CDK6: variants seen among roughly 807,000 people sequenced by gnomAD.
The protein encoded by CDK6 is cyclin-dependent kinase 6.
A neutral mutation model predicts 37.1 loss-of-function variants in CDK6; 6 were observed. That is an observed-to-expected ratio of 0.16 (90% confidence interval 0.09 to 0.32). The LOEUF is 0.32. Ranked by LOEUF, CDK6 falls within the 10% of genes least tolerant of loss-of-function variation. The pLI is 1.00. For missense variants in CDK6, 224 were observed against 418.9 expected, an observed-to-expected ratio of 0.53 and a Z score of 4.06; for synonymous variants, 160 against 161.3, an observed-to-expected ratio of 0.99 and a Z score of 0.06.
intron 3 of CDK6, among the ~76,000 whole-genome samples, chr7:92,769,787 A>T (rs763973725): frequency 6.6e-6 from 1 of 152,196 alleles, no homozygotes; most frequent in Non-Finnish European, 1.5e-5. Flanking sequence ...ATGGTGAGCA[A>T]ATTTCTTTAC....
At chr7:92,622,034 A>T (rs1214074375) in intron 6 of CDK6, among the ~76,000 whole-genome samples, 1 of 149,994 alleles carries the variant, frequency 6.7e-6, no homozygotes, top group Non-Finnish European at 1.5e-5. Context: ...AGTCTTACAG[A>T]CTTCGAATTT....
In CDK6 at chr7:92,747,985, T is replaced by C. The variant is rs1225437281; in HGVS notation, c.370-22192A>G. Among the ~76,000 whole-genome samples the C allele has an allele frequency of 2.0e-5, 3 of 152,184 alleles. No individual in the cohort carries two copies. In the East Asian group the frequency reaches 5.8e-4, roughly 29 times the overall value. On this transcript the variant is annotated intron_variant, in intron 3 of 7. Coordinates refer to ENST00000424848, the MANE Select transcript of CDK6 (RefSeq NM_001145306.2). ...ACCATTTCAATTTCATCAGCTACCA[T>C]CAGGAAAGAATTGAGGGAAAATGCG...
chr7:92,763,644 C>T (rs1486232319), intron 3 of CDK6, among the ~76,000 whole-genome samples: 1 of 152,108 alleles, frequency 6.6e-6, no homozygotes, highest in African/African-American at 2.4e-5. Flanking sequence ...ATATCAATGA[C>T]GTTAGTAAAG....
intron 2 of CDK6, among the ~76,000 whole-genome samples, chr7:92,816,584 T>C (rs779435799): frequency 1.3e-5 from 2 of 152,012 alleles, no homozygotes; most frequent in African/African-American, 2.4e-5. Context: ...ATAACCCAAA[T>C]TGAATGAAAA....
intron 4 of CDK6, among the ~76,000 whole-genome samples, chr7:92,699,642 C>A (rs1004051): frequency 0.12 from 17,629 of 152,148 alleles, 2,172 homozygotes; most frequent in East Asian, 0.33. Flanking sequence ...ACAATTAATT[C>A]ATTCATTCAT....
chr7:92,759,575 G>A (rs1799401642), intron 3 of CDK6, among the ~76,000 whole-genome samples: 1 of 151,294 alleles, frequency 6.6e-6, no homozygotes. Context: ...AAAACTATGG[G>A]TATTTATCTT....
chr7:92,692,929 G>A (rs1387020855), intron 4 of CDK6, among the ~76,000 whole-genome samples: 3 of 152,144 alleles, frequency 2.0e-5, no homozygotes, highest in Admixed American at 2.0e-4. Context: ...AAAATTGAGA[G>A]AGAAAAATTT....
chr7:92,690,434 T>A (rs537488206), intron 4 of CDK6, among the ~76,000 whole-genome samples: 29 of 152,318 alleles, frequency 1.9e-4, no homozygotes, highest in African/African-American at 5.8e-4. Context: ...GTTGTAGGTG[T>A]GCGGTTTTAT....
chr7:92,801,903 G>A (rs1407794583), intron 2 of CDK6, among the ~76,000 whole-genome samples: 1 of 151,744 alleles, frequency 6.6e-6, no homozygotes, highest in African/African-American at 2.4e-5. Flanking sequence ...GATTACAGGT[G>A]TGAGCTGCTG....
intron 4 of CDK6, among the ~76,000 whole-genome samples, chr7:92,720,941 A>G (rs1798350652): frequency 6.6e-6 from 1 of 152,134 alleles, no homozygotes; most frequent in African/African-American, 2.4e-5. Context: ...ATTTTTACCT[A>G]TCAGCTATGT....
intron 2 of CDK6, among the ~76,000 whole-genome samples, chr7:92,804,105 T>C (rs1338622066): frequency 6.6e-6 from 1 of 152,100 alleles, no homozygotes; most frequent in Non-Finnish European, 1.5e-5. Context: ...ACCATATACA[T>C]TAGGACAATT....
intron 2 of CDK6, among the ~76,000 whole-genome samples, chr7:92,806,995 C>T (rs1261459351): frequency 6.6e-6 from 1 of 152,076 alleles, no homozygotes; most frequent in Non-Finnish European, 1.5e-5. Flanking sequence ...TTAAGATAAG[C>T]CATACTGAAG....
chr7:92,720,423 G>T (rs1798338564), intron 4 of CDK6, among the ~76,000 whole-genome samples: 1 of 152,080 alleles, frequency 6.6e-6, no homozygotes, highest in East Asian at 1.9e-4. Context: ...GACTTAAGCT[G>T]GTCACACTGC....
In CDK6 at chr7:92,833,653, C is replaced by T; in HGVS notation, c.-330G>A. ...CCTCAACACAGACACGATTACATAG[C>T]CTCTGCCCAAGCGCGTCTCAGTCCA... On this transcript the variant is annotated 5_prime_UTR_variant, in exon 2 of 8. Transcript: ENST00000424848. The surrounding 1 kb of genome is among the most constrained non-coding windows in gnomAD (Gnocchi z 6.1). 1 of 489,682 alleles carries T rather than the reference C, an allele frequency of 2.0e-6. No individual in the cohort carries two copies. The highest frequency in any genetic ancestry group is 3.4e-5 in the East Asian group (1 of 29,508). The allele number at this position is 489,682 out of a possible 1,614,324, so 30.3% of individuals were successfully genotyped here. A position where few individuals can be genotyped will look rare whatever the true frequency, so the allele number is the denominator to read the frequency against.
rs1268301355 is a variant in CDK6, at chr7:92,687,790, A to C, written c.538-16255T>G. On this transcript the variant is annotated intron_variant, in intron 4 of 7. Coordinates refer to ENST00000424848, the MANE Select transcript of CDK6 (RefSeq NM_001145306.2). Reference sequence around the variant, plus strand: ...AATACTTACATCACCATCACCACAGAAGGTCCTCTTGTATTTTTCCTAGCA... The same window carrying C: ...AATACTTACATCACCATCACCACAGCAGGTCCTCTTGTATTTTTCCTAGCA... Among the ~76,000 whole-genome samples, 3 of 152,144 alleles carry C rather than the reference A, an allele frequency of 2.0e-5. No individual in the cohort carries two copies. In the East Asian group the frequency reaches 5.8e-4, roughly 29 times the overall value.
chr7:92,639,162 C>T (rs1016920750), intron 5 of CDK6, among the ~76,000 whole-genome samples: 4 of 152,108 alleles, frequency 2.6e-5, no homozygotes, highest in South Asian at 2.1e-4. Flanking sequence ...GGTGAACACA[C>T]GTAGAAAACC....
At chr7:92,696,589 T>C (rs1022471970) in intron 4 of CDK6, among the ~76,000 whole-genome samples, 4 of 152,162 alleles carry the variant, frequency 2.6e-5, no homozygotes, top group African/African-American at 7.2e-5. Context: ...AAAAAACTGG[T>C]TTGATATGTC....
chr7:92,749,564 G>T (rs542714511), intron 3 of CDK6, among the ~76,000 whole-genome samples: 3 of 152,248 alleles, frequency 2.0e-5, no homozygotes, highest in Non-Finnish European at 2.9e-5. Flanking sequence ...ATTCTTCAGG[G>T]TATTCATATC....
Position 92,761,255 on chromosome 7 carries a change from ATAT to A in CDK6, c.369+13438_369+13440del, listed in dbSNP as rs1247113552. On this transcript the variant is annotated intron_variant, in intron 3 of 7. Coordinates refer to ENST00000424848, the MANE Select transcript of CDK6 (RefSeq NM_001145306.2). Reference sequence around the variant, plus strand: ...CCAGATCTGAAAAATATTTGTTTACATATTATTATATCATTTAAAAAATTAATA... The same window carrying A: ...CCAGATCTGAAAAATATTTGTTTACATATTATATCATTTAAAAAATTAATA... Among the ~76,000 whole-genome samples, 4 of 152,158 alleles carry A rather than the reference ATAT, an allele frequency of 2.6e-5. No individual in the cohort carries two copies. The East Asian group carries it at 7.7e-4, about 29-fold the overall frequency.
Sources: allele counts gnomAD v4.1 joint callset (sites outside exome capture counted in the v4.1 genomes callset), GRCh38; gene constraint gnomAD v4.1.1; non-coding constraint Gnocchi (gnomAD v3.1); transcripts MANE v1.5; gene names NCBI Gene and HGNC (gene_info 2026-07-23, HGNC 2026-07-21).